ENPP2: variants seen among roughly 807,000 people sequenced by gnomAD.
ENPP2 encodes autotaxin.
Under a neutral mutation model 120.2 loss-of-function variants are expected in ENPP2, and 51 were observed. The observed-to-expected ratio is 0.42, with a 90% CI of 0.34 to 0.54. The LOEUF is 0.54. ENPP2 is among the 20% of genes least tolerant of loss of function. ENPP2 has a pLI of 0.04. For synonymous variants in ENPP2, 365 were observed against 366.4 expected (o/e 1.00, Z 0.04); for missense variants, 920 against 1,066.5 (o/e 0.86, Z 1.91).
chr8:119,637,280 G>A (rs1034222665), intron 2 of ENPP2, among the ~76,000 whole-genome samples: 5 of 152,000 alleles, frequency 3.3e-5, no homozygotes, highest in African/African-American at 4.8e-5. Context: ...AACAGAAGAC[G>A]ACTCATTTTG....
intron 8 of ENPP2, among the ~76,000 whole-genome samples, chr8:119,610,071 T>C (rs774594007): frequency 6.6e-6 from 1 of 152,180 alleles, no homozygotes; most frequent in Non-Finnish European, 1.5e-5. Flanking sequence ...TGACAGGGTA[T>C]GTTAAAATTA....
intron 2 of ENPP2, 97 bp from the exon 3 acceptor site, chr8:119,626,817 G>T (rs1473698213): frequency 9.2e-7 from 1 of 1,087,790 alleles, no homozygotes; most frequent in South Asian, 1.4e-5. Context: ...TGCTGCAGTG[G>T]ACTCTGGAGG....
At chr8:119,617,312 TAA>T (rs1815526264) in intron 6 of ENPP2, 69 bp from the exon 7 acceptor site, 1 of 1,315,112 alleles carries the variant, frequency 7.6e-7, no homozygotes, top group Middle Eastern at 1.8e-4. Flanking sequence ...ATCCATTTTA[TAA>T]ACACTCAGAC....
chr8:119,633,641 G>C (rs761085675), intron 2 of ENPP2, among the ~76,000 whole-genome samples: 4 of 151,570 alleles, frequency 2.6e-5, no homozygotes, highest in Non-Finnish European at 5.9e-5. Flanking sequence ...TACTTTTTTC[G>C]TATTGAATTT....
At chr8:119,572,930 T>A (rs921603212) in intron 19 of ENPP2, 1 of 152,370 alleles carries the variant, frequency 6.6e-6, no homozygotes, top group African/African-American at 2.4e-5. Flanking sequence ...AATAAAGTCC[T>A]TTAAGGAGCA....
At chr8:119,600,968 A>G (rs1419613929) in intron 10 of ENPP2, among the ~76,000 whole-genome samples, 1 of 152,182 alleles carries the variant, frequency 6.6e-6, no homozygotes, top group African/African-American at 2.4e-5. Flanking sequence ...TCAGGAATCA[A>G]AAGTCACAAA....
intron 11 of ENPP2, among the ~76,000 whole-genome samples, chr8:119,594,882 T>A (rs977404166): frequency 1.3e-5 from 2 of 152,248 alleles, no homozygotes; most frequent in Non-Finnish European, 2.9e-5. Flanking sequence ...TAGCATCTTC[T>A]CAGATGAATC....
chr8:119,564,190 AG>A (rs549424671), intron 23 of ENPP2, among the ~76,000 whole-genome samples: 121 of 152,168 alleles, frequency 8.0e-4, no homozygotes, highest in African/African-American at 2.9e-3. Context: ...AGAAAATCTA[AG>A]GGATTCTTAA....
chr8:119,601,608 T>C (rs1263491969), intron 9 of ENPP2, 146 bp from the exon 10 acceptor site: 3 of 630,424 alleles, frequency 4.8e-6, no homozygotes, highest in African/African-American at 1.8e-5. Flanking sequence ...AGGCCCTCTT[T>C]CGAATTAGCG....
At chr8:119,650,087 C>A (rs953009849) in intron 1 of ENPP2, among the ~76,000 whole-genome samples, 4 of 152,168 alleles carry the variant, frequency 2.6e-5, no homozygotes, top group African/African-American at 2.4e-5. Context: ...ATGTTCACAG[C>A]AGCATTACCA....
At chr8:119,621,213 T>G (rs1193592678) in intron 4 of ENPP2, among the ~76,000 whole-genome samples, 181 bp downstream of exon 4, 1 of 152,178 alleles carries the variant, frequency 6.6e-6, no homozygotes, top group African/African-American at 2.4e-5. Context: ...CCTTGTTACT[T>G]CAGATCAGTG....
intron 1 of ENPP2, among the ~76,000 whole-genome samples, chr8:119,659,723 G>C (rs562080442): frequency 6.6e-6 from 1 of 152,128 alleles, no homozygotes; most frequent in African/African-American, 2.4e-5. Flanking sequence ...TGCTTCAAAG[G>C]GTGAAGAATA....
chr8:119,654,957 G>C (rs1817727228), intron 1 of ENPP2, among the ~76,000 whole-genome samples: 1 of 151,964 alleles, frequency 6.6e-6, no homozygotes, highest in Non-Finnish European at 1.5e-5. Flanking sequence ...ATCAGAATTT[G>C]GTCTTACTTT....
intron 22 of ENPP2, among the ~76,000 whole-genome samples, chr8:119,567,394 G>T (rs987714421): frequency 6.6e-6 from 1 of 152,160 alleles, no homozygotes; most frequent in African/African-American, 2.4e-5. Context: ...TAGAGGTCAT[G>T]CAATCATATC....
chr8:119,647,673 A>G (rs1282236205), intron 1 of ENPP2, among the ~76,000 whole-genome samples: 1 of 152,122 alleles, frequency 6.6e-6, no homozygotes, highest in Non-Finnish European at 1.5e-5. Context: ...ATTCTTAGAG[A>G]GCAGGGGAAA....
intron 1 of ENPP2, among the ~76,000 whole-genome samples, chr8:119,665,232 C>T (rs1366225010): frequency 2.0e-5 from 3 of 152,158 alleles, no homozygotes; most frequent in Non-Finnish European, 2.9e-5. Context: ...CAATTCAACC[C>T]ATAACAACAT....
intron 1 of ENPP2, among the ~76,000 whole-genome samples, chr8:119,661,836 C>T (rs1372302544): frequency 6.6e-6 from 1 of 152,068 alleles, no homozygotes; most frequent in Non-Finnish European, 1.5e-5. Context: ...TACTAGGCAG[C>T]CTTAAACAAG....
rs770507555 is a variant in ENPP2 at position 119,617,509 on chromosome 8, G to A, written c.534C>T (p.Tyr178=). 1.9e-6 allele frequency: 3 copies of A among 1,613,594 alleles called. No homozygotes were observed. Among genetic ancestry groups the A allele is most frequent in the Non-Finnish European group, 2.5e-6 (3 of 1,179,650 alleles). ...IFSVDGFRAS[Y]MKKGSKVMPN... is the part of the protein sequence containing the mutation. ...GCATGACTTTGCTGCCTTTCTTCAT[G>A]TATGATGCACGGAAGCCATCCACGG... is the stretch of plus-strand genomic sequence containing the variant. Residue 178 remains tyrosine, a synonymous_variant, in exon 6 of 25, where the codon TAC becomes TAT. Transcript: ENST00000075322.
intron 3 of ENPP2, among the ~76,000 whole-genome samples, chr8:119,625,279 T>G: frequency 6.6e-6 from 1 of 152,316 alleles, no homozygotes; most frequent in East Asian, 1.9e-4. Context: ...AGCAATTTAG[T>G]TTGCAGATCC....
Sources: gnomAD v4.1 joint callset for allele counts (sites outside exome capture counted in the v4.1 genomes callset) on GRCh38, gnomAD v4.1.1 for gene constraint, MANE v1.5 for transcripts, NCBI Gene and HGNC (gene_info 2026-07-23, HGNC 2026-07-21) for gene names.